Variants in TNC observed in about 807,000 individuals in gnomAD.
TNC encodes the protein tenascin.
A neutral mutation model predicts 202.4 loss-of-function variants in TNC; 109 were observed. The observed-to-expected ratio is 0.54, with a 90% confidence interval of 0.46 to 0.63. The LOEUF (loss-of-function observed/expected upper bound fraction) is 0.63. TNC is among the 30% of genes least tolerant of loss of function. The pLI, the probability that TNC is intolerant of heterozygous loss-of-function variation, is 0.00. For missense variants in TNC, 2,756 were observed against 2,833.3 expected (o/e 0.97, Z 0.62); for synonymous variants, 1,007 against 1,089.7 (o/e 0.92, Z 1.50).
chr9:115,099,082 A>G (rs963307077), intron 1 of TNC, among the ~76,000 whole-genome samples: 14 of 152,162 alleles, frequency 9.2e-5, no homozygotes, highest in Middle Eastern at 3.4e-3. Flanking sequence ...GAATTCCAGA[A>G]CTGAGAAGTG....
chr9:115,097,600 C>T (rs951082713), intron 1 of TNC, among the ~76,000 whole-genome samples: 1 of 152,154 alleles, frequency 6.6e-6, no homozygotes, highest in African/African-American at 2.4e-5. Flanking sequence ...TGGTTGGATA[C>T]AACTCCAGTA....
chr9:115,073,735 C>T lies in TNC; in HGVS notation c.3082G>A (p.Gly1028Arg), dbSNP rs750469692. The T allele has an allele frequency of 6.2e-6, 10 of 1,614,026 alleles. No homozygotes were observed. The highest frequency in any genetic ancestry group is 2.5e-6 in the Non-Finnish European group (3 of 1,180,030). The change falls in exon 10 of 28, where the codon GGA (glycine) becomes AGA (arginine). Residue 1028 changes from glycine (G) to arginine (R), a missense_variant. Gly to Arg is a moderately radical substitution (Grantham distance 125, BLOSUM62 -2). This residue lies in a region of TNC where 2,559 missense variants were observed against 2,546.0 expected (regional missense o/e 1.01). Coordinates refer to ENST00000350763, the MANE Select transcript of TNC (RefSeq NM_002160.4). ...NYSLPTGQWV[G>R]VQLPRNTTSY... is the part of the protein sequence containing the mutation. Reference sequence around the variant, plus strand: ...GTGGTGTTTCTTGGAAGCTGCACTCCCACCCACTGGCCTGTGGGGAGACTG... The same window carrying T: ...GTGGTGTTTCTTGGAAGCTGCACTCTCACCCACTGGCCTGTGGGGAGACTG...
At position 115,021,143 on chromosome 9, in the gene TNC, G is replaced by A; in HGVS notation, c.*14C>T. 6.2e-7 allele frequency: 1 copy of A among 1,603,608 alleles called. No individual in the cohort carries two copies. Among genetic ancestry groups the A allele is most frequent in the Non-Finnish European group, 8.5e-7 (1 of 1,170,688 alleles). On this transcript the variant is annotated 3_prime_UTR_variant, in exon 28 of 28. Coordinates refer to ENST00000350763, the MANE Select transcript of TNC (RefSeq NM_002160.4). ...CTGGGCCTTATTCCTCTCTCACCCA[G>A]TGGTCCCTGGAATTTATGCCCGTTT...
chr9:115,071,813 C>T (rs1833489579), intron 10 of TNC, among the ~76,000 whole-genome samples: 1 of 152,040 alleles, frequency 6.6e-6, no homozygotes, highest in Non-Finnish European at 1.5e-5. Flanking sequence ...ATTTGTTGCC[C>T]CTTGACACTT....
At chr9:115,089,317 T>G (rs374118746) in intron 2 of TNC, among the ~76,000 whole-genome samples, 1 of 152,210 alleles carries the variant, frequency 6.6e-6, no homozygotes, top group Admixed American at 6.5e-5. Context: ...CAGCTCTGAT[T>G]TGAAGTTGTT....
chr9:115,085,850 G>A lies in TNC; in HGVS notation c.1867+14C>T, dbSNP rs143856187. 27 of 1,592,440 alleles carry A rather than the reference G, an allele frequency of 1.7e-5. No homozygotes were observed. The highest frequency in any genetic ancestry group is 2.2e-5 in the South Asian group (2 of 89,556). On this transcript the variant is annotated intron_variant, in intron 3 of 27. Coordinates refer to ENST00000350763, the MANE Select transcript of TNC (RefSeq NM_002160.4). The stretch of plus-strand genomic sequence containing the variant: ...TCATGGCCATTATATGCTGGTCTGC[G>A]CCCTGGCACTCACCCTCTGAGCAGT...
At chr9:115,022,809 A>C (rs1238384435) in intron 27 of TNC, among the ~76,000 whole-genome samples, 1 of 152,172 alleles carries the variant, frequency 6.6e-6, no homozygotes, top group African/African-American at 2.4e-5. Flanking sequence ...CCCTTGAGAT[A>C]CAGAAGGTAA....
intron 15 of TNC, among the ~76,000 whole-genome samples, chr9:115,055,950 T>C (rs749545991): frequency 6.6e-6 from 1 of 152,190 alleles, no homozygotes; most frequent in African/African-American, 2.4e-5. Context: ...TCCTCTAAGT[T>C]TTTTTATACT....
chr9:115,097,641 T>C (rs1357068259), intron 1 of TNC, among the ~76,000 whole-genome samples: 2 of 152,044 alleles, frequency 1.3e-5, no homozygotes, highest in Non-Finnish European at 2.9e-5. Context: ...TACAGCACCC[T>C]AGAAAAAAGA....
intron 24 of TNC, 123 bp from the exon 25 acceptor site, chr9:115,029,579 T>A: frequency 3.1e-6 from 3 of 972,808 alleles, no homozygotes; most frequent in Non-Finnish European, 4.8e-6. Flanking sequence ...CATCCCTAAT[T>A]TGCTATGTAA....
At position 115,042,266 on chromosome 9, in the gene TNC, G is replaced by A. The variant is rs1338752708; in HGVS notation, c.5201C>T (p.Thr1734Ile). Reference sequence around the variant, plus strand: ...AATCCGGAAGCTCTCCACTTGGGCTGTGGGTGCCCTCCAGCTGACAGTAGC... The same window carrying A: ...AATCCGGAAGCTCTCCACTTGGGCTATGGGTGCCCTCCAGCTGACAGTAGC... ...NSATVSWRAP[T>I]AQVESFRITY... Residue 1734 changes from threonine (T) to isoleucine (I), a missense_variant, in exon 18 of 28, where the codon ACA (threonine) becomes ATA (isoleucine). This residue lies in a region of TNC where 2,559 missense variants were observed against 2,546.0 expected (regional missense o/e 1.01). Coordinates refer to ENST00000350763, the MANE Select transcript of TNC (RefSeq NM_002160.4). 13 of 1,613,998 alleles carry A rather than the reference G, an allele frequency of 8.1e-6. No individual in the cohort carries two copies. Among genetic ancestry groups the A allele is most frequent in the African/African-American group, 8.0e-5 (6 of 74,926 alleles).
chr9:115,085,863 C>T lies in TNC; in HGVS notation c.1867+1G>A. On this transcript the variant is annotated splice_donor_variant, in intron 3 of 27. Coordinates refer to ENST00000350763, the MANE Select transcript of TNC (RefSeq NM_002160.4). LOFTEE classifies it high-confidence loss of function. ...ATGCTGGTCTGCGCCCTGGCACTCA[C>T]CCTCTGAGCAGTCTTCTCCGCTGTA... is the stretch of plus-strand genomic sequence containing the variant. 1.2e-6 allele frequency: 2 copies of T among 1,601,846 alleles called. No individual in the cohort carries two copies. The highest frequency in any genetic ancestry group is 1.3e-5 in the African/African-American group (1 of 74,828).
In TNC at chr9:115,031,387, C is replaced by T. The variant is rs62578744; in HGVS notation, c.5920+166G>A. Among the ~76,000 whole-genome samples the T allele has an allele frequency of 3.0e-3, 459 of 152,326 alleles. 2 individuals carry two copies. Among genetic ancestry groups the T allele is most frequent in the Admixed American group, 7.7e-3 (118 of 15,308 alleles). On this transcript the variant is annotated intron_variant, in intron 23 of 27. Coordinates refer to ENST00000350763, the MANE Select transcript of TNC (RefSeq NM_002160.4). ...CCTCCTTTCCTTTCACCGGGATGCT[C>T]ATAATCTCCCACATTTGCTTTCCTC...
chr9:115,089,743 G>A (rs752291929), intron 2 of TNC, among the ~76,000 whole-genome samples: 9 of 152,206 alleles, frequency 5.9e-5, no homozygotes, highest in South Asian at 2.1e-4. Flanking sequence ...CAGGTGATCC[G>A]CCCGCCTTAG....
In TNC at chr9:115,064,697, C is replaced by A; in HGVS notation, c.3437G>T (p.Gly1146Val). The A allele has an allele frequency of 1.2e-6, 2 of 1,614,164 alleles. No homozygotes were observed. The highest frequency in any genetic ancestry group is 1.7e-6 in the Non-Finnish European group (2 of 1,180,020). Residue 1146 changes from glycine to valine, a missense_variant, in exon 11 of 28, where the codon GGG becomes GTG. Physicochemically the swap from Gly to Val is moderately radical, Grantham distance 109. Coordinates refer to ENST00000350763, the MANE Select transcript of TNC (RefSeq NM_002160.4). ...AATPYTVSIY[G>V]VIQGYRTPVL... ...TGGTGTTCTATAGCCCTGGATCACC[C>A]CATAGATGGAGACTGTATAAGGCGT...
intron 1 of TNC, among the ~76,000 whole-genome samples, chr9:115,094,399 GA>G (rs1357166858): frequency 1.3e-5 from 2 of 152,110 alleles, no homozygotes; most frequent in Non-Finnish European, 2.9e-5. Context: ...ATGAGAGAGG[GA>G]AAAAATAGGA....
chr9:115,087,268 A>T lies in TNC; in HGVS notation c.463T>A (p.Leu155Met), dbSNP rs949973288. The T allele has an allele frequency of 1.2e-6, 2 of 1,611,056 alleles. No individual in the cohort carries two copies. The highest frequency in any genetic ancestry group is 1.7e-6 in the Non-Finnish European group (2 of 1,177,460). Residue 155 changes from leucine (L) to methionine (M), a missense_variant, in exon 3 of 28, where the codon TTG becomes ATG. Coordinates refer to ENST00000350763, the MANE Select transcript of TNC (RefSeq NM_002160.4). ...GCCLQPATGR[L>M]DTRPFCSGRG... ...CCGCTACAGAAGGGCCTGGTGTCCA[A>T]GCGGCCTGCAACAAAAGAAACAGAA... is the stretch of plus-strand genomic sequence containing the variant.
intron 1 of TNC, among the ~76,000 whole-genome samples, chr9:115,102,596 G>A (rs978995155): frequency 1.3e-5 from 2 of 152,080 alleles, no homozygotes; most frequent in African/African-American, 2.4e-5. Context: ...ATTGTCTGGG[G>A]AATTGATATG....
At chr9:115,059,332 CT>C (rs1391901778) in intron 14 of TNC, among the ~76,000 whole-genome samples, 2 of 152,136 alleles carry the variant, frequency 1.3e-5, no homozygotes, top group African/African-American at 4.8e-5. Context: ...TAGCAAAAGA[CT>C]CTCAGAAGTA....
Sources: gnomAD v4.1 joint callset for allele counts (sites outside exome capture counted in the v4.1 genomes callset) on GRCh38, gnomAD v4.1.1 for gene constraint, gnomAD v4.1.1 regional missense constraint, MANE v1.5 for transcripts, NCBI Gene and HGNC (gene_info 2026-07-23, HGNC 2026-07-21) for gene names.